The following ZCCHC7 variants were observed in gnomAD, a reference collection of about 807,000 sequenced individuals.
ZCCHC7 encodes the protein zinc finger CCHC domain-containing protein 7.
Under a neutral mutation model 52.0 loss-of-function variants are expected in ZCCHC7, and 35 were observed. The ratio of observed to expected loss-of-function variants is 0.67; its 90% CI spans 0.51 to 0.89. The LOEUF is 0.89. ZCCHC7 is among the 40% of genes least tolerant of loss of function. The pLI is 0.00. For missense variants in ZCCHC7, 574 were observed against 649.1 expected (o/e 0.88, Z 1.26); for synonymous variants, 217 against 221.5 (o/e 0.98, Z 0.18).
chr9:37,292,320 A>G (rs1828578351), intron 2 of ZCCHC7, among the ~76,000 whole-genome samples: 1 of 152,206 alleles, frequency 6.6e-6, no homozygotes, highest in African/African-American at 2.4e-5. Flanking sequence ...ATGAAAAGGC[A>G]CTAGAGATGT....
intron 2 of ZCCHC7, among the ~76,000 whole-genome samples, chr9:37,229,602 TACTTG>T (rs1341459668): frequency 6.6e-6 from 1 of 152,204 alleles, no homozygotes; most frequent in Non-Finnish European, 1.5e-5. Flanking sequence ...AAAAGTGGTA[TACTTG>T]TATAGAGCAC....
chr9:37,313,027 G>C (rs1462730925), intron 5 of ZCCHC7, among the ~76,000 whole-genome samples: 4 of 152,122 alleles, frequency 2.6e-5, no homozygotes, highest in South Asian at 2.1e-4. Context: ...TAAAACACTA[G>C]AATTATATTA....
At chr9:37,206,203 G>A (rs1480843416) in intron 2 of ZCCHC7, among the ~76,000 whole-genome samples, 4 of 152,044 alleles carry the variant, frequency 2.6e-5, no homozygotes, top group African/African-American at 9.7e-5. Context: ...CCACACAAGA[G>A]AATAGTACTA....
At chr9:37,132,791 T>C (rs1171697236) in intron 2 of ZCCHC7, among the ~76,000 whole-genome samples, 1 of 152,192 alleles carries the variant, frequency 6.6e-6, no homozygotes, top group Non-Finnish European at 1.5e-5. Context: ...ATTGGAAGAA[T>C]TGTCTTGGGC....
chr9:37,241,625 G>A (rs1395508750), intron 2 of ZCCHC7, among the ~76,000 whole-genome samples: 2 of 151,670 alleles, frequency 1.3e-5, no homozygotes, highest in Non-Finnish European at 3.0e-5. Context: ...TTTCATTTTA[G>A]CAGCAGTATC....
intron 2 of ZCCHC7, among the ~76,000 whole-genome samples, chr9:37,199,958 G>A (rs1288591201): frequency 6.6e-6 from 1 of 151,844 alleles, no homozygotes; most frequent in Non-Finnish European, 1.5e-5. Flanking sequence ...CACCTGCCTC[G>A]GCCTCCCAAA....
At chr9:37,310,412 A>G (rs1305410091) in intron 5 of ZCCHC7, among the ~76,000 whole-genome samples, 2 of 152,220 alleles carry the variant, frequency 1.3e-5, no homozygotes, top group Admixed American at 1.3e-4. Flanking sequence ...ACAGCCATAC[A>G]TAATTGTGTG....
At chr9:37,219,676 A>C (rs1452605661) in intron 2 of ZCCHC7, among the ~76,000 whole-genome samples, 1 of 152,240 alleles carries the variant, frequency 6.6e-6, no homozygotes, top group East Asian at 1.9e-4. Context: ...GGATTGGTAA[A>C]ATTAATGCAT....
chr9:37,168,214 T>C (rs1821533780), intron 2 of ZCCHC7, among the ~76,000 whole-genome samples: 2 of 152,216 alleles, frequency 1.3e-5, no homozygotes, highest in Admixed American at 1.3e-4. Flanking sequence ...TTTCATGGAT[T>C]ATTGTCCTGT....
At chr9:37,269,597 C>G (rs1008475163) in intron 2 of ZCCHC7, among the ~76,000 whole-genome samples, 5 of 103,726 alleles carry the variant, frequency 4.8e-5, no homozygotes, top group African/African-American at 1.9e-4. Context: ...CCAACCTGAG[C>G]AACAGAGTGA....
At chr9:37,320,992 T>C (rs308501) in intron 5 of ZCCHC7, among the ~76,000 whole-genome samples, 4,523 of 145,712 alleles carry the variant, frequency 0.031, 170 homozygotes, top group African/African-American at 0.078. Context: ...TTTTTCTTTT[T>C]TTTTTTTTTT....
intron 2 of ZCCHC7, among the ~76,000 whole-genome samples, chr9:37,275,702 G>A (rs1263148332): frequency 6.6e-6 from 1 of 152,052 alleles, no homozygotes; most frequent in African/African-American, 2.4e-5. Context: ...GATTGCAATG[G>A]CGTGATCTCA....
intron 2 of ZCCHC7, among the ~76,000 whole-genome samples, chr9:37,266,455 CT>C (rs1423780835): frequency 6.6e-6 from 1 of 152,004 alleles, no homozygotes; most frequent in Non-Finnish European, 1.5e-5. Context: ...GTAGTTAATG[CT>C]TTAGGGTAAA....
chr9:37,247,970 ATCTCT>A (rs1303670530), intron 2 of ZCCHC7, among the ~76,000 whole-genome samples: 2 of 152,104 alleles, frequency 1.3e-5, no homozygotes, highest in African/African-American at 2.4e-5. Flanking sequence ...TATTTTCATC[ATCTCT>A]TCACTTGACA....
intron 2 of ZCCHC7, among the ~76,000 whole-genome samples, chr9:37,129,381 A>AAACT (rs1842678874): frequency 6.6e-6 from 1 of 152,244 alleles, no homozygotes; most frequent in African/African-American, 2.4e-5. Flanking sequence ...TGACTCTTAT[A>AAACT]AACTCTTACA....
At chr9:37,306,083 T>A (rs1440759447) in intron 5 of ZCCHC7, among the ~76,000 whole-genome samples, 3 of 143,782 alleles carry the variant, frequency 2.1e-5, no homozygotes, top group South Asian at 2.1e-4. Flanking sequence ...TTATTTATTT[T>A]TTGAGACATA....
At chr9:37,196,793 T>C (rs1199464137) in intron 2 of ZCCHC7, among the ~76,000 whole-genome samples, 1 of 152,172 alleles carries the variant, frequency 6.6e-6, no homozygotes, top group Non-Finnish European at 1.5e-5. Flanking sequence ...TATTTTAATG[T>C]CGTTTGAGGA....
intron 5 of ZCCHC7, among the ~76,000 whole-genome samples, chr9:37,315,965 A>G (rs1829799778): frequency 6.6e-6 from 1 of 151,096 alleles, no homozygotes; most frequent in Non-Finnish European, 1.5e-5. Context: ...AAAAGTTTAG[A>G]ATAACACTGG....
At chr9:37,228,981 G>A (rs984970717) in intron 2 of ZCCHC7, among the ~76,000 whole-genome samples, 2 of 151,406 alleles carry the variant, frequency 1.3e-5, no homozygotes, top group Admixed American at 6.6e-5. Flanking sequence ...GACTATAGGC[G>A]CCTGCCACCA....
Sources: allele counts gnomAD v4.1 joint callset (sites outside exome capture counted in the v4.1 genomes callset), GRCh38; gene constraint gnomAD v4.1.1; transcripts MANE v1.5; gene names NCBI Gene and HGNC (gene_info 2026-07-23, HGNC 2026-07-21).